The following CHCHD6 variants were observed in gnomAD, a reference collection of about 807,000 sequenced individuals.
The protein encoded by CHCHD6 is MICOS complex subunit MIC25.
A neutral mutation model predicts 32.3 loss-of-function variants in CHCHD6; 28 were observed. The observed-to-expected ratio is 0.87, with a 90% CI of 0.64 to 1.19. The LOEUF (loss-of-function observed/expected upper bound fraction) is 1.19. Ranked by LOEUF, CHCHD6 falls within the 50% of genes most tolerant of loss-of-function variation. The probability of loss-of-function intolerance (pLI) is 0.00; values close to 1 mark genes in which losing one functional copy is unlikely to be tolerated. For missense variants in CHCHD6, 333 were observed against 307.0 expected, an observed-to-expected ratio of 1.08 and a Z score of -0.63; for synonymous variants, 122 against 117.5, an observed-to-expected ratio of 1.04 and a Z score of -0.25.
At chr3:126,755,229 G>A (rs1052932347) in intron 4 of CHCHD6, among the ~76,000 whole-genome samples, 1 of 152,172 alleles carries the variant, frequency 6.6e-6, no homozygotes, top group African/African-American at 2.4e-5. Context: ...GTCTTCAGTC[G>A]GGAGGAGAGG....
At chr3:126,706,959 TC>T (rs1376270442) in intron 1 of CHCHD6, among the ~76,000 whole-genome samples, 2 of 152,178 alleles carry the variant, frequency 1.3e-5, no homozygotes, top group African/African-American at 4.8e-5. Flanking sequence ...GAAAGTGTTC[TC>T]GTCCCTGTAA....
chr3:126,722,868 C>T (rs769583584), intron 1 of CHCHD6, among the ~76,000 whole-genome samples: 7 of 152,126 alleles, frequency 4.6e-5, no homozygotes, highest in Non-Finnish European at 8.8e-5. Flanking sequence ...TCTCTAAGAA[C>T]GTATTGCCAA....
intron 4 of CHCHD6, among the ~76,000 whole-genome samples, chr3:126,839,781 A>G (rs879402914): frequency 2.0e-5 from 3 of 151,978 alleles, no homozygotes; most frequent in Admixed American, 6.6e-5. Flanking sequence ...TGGTAATCTT[A>G]TGTATTTTTA....
At chr3:126,865,823 T>C (rs1275822706) in intron 5 of CHCHD6, 5 of 857,578 alleles carry the variant, frequency 5.8e-6, no homozygotes, top group Middle Eastern at 5.9e-4. Context: ...CACTAATCTC[T>C]GAGGTAAGGG....
At chr3:126,840,186 A>G (rs1941015346) in intron 4 of CHCHD6, among the ~76,000 whole-genome samples, 1 of 152,150 alleles carries the variant, frequency 6.6e-6, no homozygotes. Flanking sequence ...TAGATATACC[A>G]CGTTTTAAAA....
intron 6 of CHCHD6, among the ~76,000 whole-genome samples, chr3:126,935,883 T>A (rs2078472919): frequency 1.3e-5 from 2 of 152,206 alleles, no homozygotes; most frequent in African/African-American, 4.8e-5. Flanking sequence ...TGAACATGCA[T>A]TTTGAAAGAG....
intron 4 of CHCHD6, among the ~76,000 whole-genome samples, chr3:126,776,778 A>G (rs567664264): frequency 6.6e-6 from 1 of 152,182 alleles, no homozygotes; most frequent in South Asian, 2.1e-4. Context: ...TGACATAACC[A>G]ACATCATTTT....
intron 4 of CHCHD6, among the ~76,000 whole-genome samples, chr3:126,765,877 G>A (rs955421398): frequency 4.6e-5 from 7 of 152,238 alleles, no homozygotes; most frequent in African/African-American, 1.7e-4. Flanking sequence ...GCCAAGGGGA[G>A]AAACAGAACC....
intron 5 of CHCHD6, among the ~76,000 whole-genome samples, chr3:126,884,824 A>T (rs2077657672): frequency 6.6e-6 from 1 of 152,198 alleles, no homozygotes; most frequent in African/African-American, 2.4e-5. Context: ...GTCATCCCAC[A>T]TTTTGACATA....
intron 1 of CHCHD6, among the ~76,000 whole-genome samples, chr3:126,716,568 G>C (rs1398012835): frequency 6.6e-6 from 1 of 151,964 alleles, no homozygotes; most frequent in Non-Finnish European, 1.5e-5. Flanking sequence ...CATCATGCTA[G>C]TACCATGTTA....
Position 126,792,859 on chromosome 3 carries a change from G to A in CHCHD6, c.411+59637G>A, listed in dbSNP as rs542535879. ...TGTGTTGAAGTCCTCAACTATTTTT[G>A]TAGATTTGCCTACTTCTCCCTGCAG... On this transcript the variant is annotated intron_variant, in intron 4 of 7. Coordinates refer to ENST00000290913, the MANE Select transcript of CHCHD6 (RefSeq NM_032343.3). Among the ~76,000 whole-genome samples, 5 of 152,182 alleles carry A rather than the reference G, an allele frequency of 3.3e-5. No homozygotes were observed. In the South Asian group the frequency reaches 1.0e-3, roughly 32 times the overall value.
chr3:126,957,876 T>A, intron 7 of CHCHD6: 1 of 435,612 alleles, frequency 2.3e-6, no homozygotes, highest in Non-Finnish European at 4.3e-6. Context: ...CGGGGACTTC[T>A]TAGCCCTCGG....
chr3:126,789,438 CATT>C (rs1938407391), intron 4 of CHCHD6, among the ~76,000 whole-genome samples: 2 of 152,136 alleles, frequency 1.3e-5, no homozygotes, highest in South Asian at 2.1e-4. Context: ...AGTCTCCCAT[CATT>C]GTTGTGTGGG....
intron 4 of CHCHD6, among the ~76,000 whole-genome samples, chr3:126,768,933 A>G (rs964541024): frequency 6.6e-6 from 1 of 152,198 alleles, no homozygotes; most frequent in South Asian, 2.1e-4. Context: ...GATTCTAGGT[A>G]TTAGACCTCT....
chr3:126,865,561 G>T lies in CHCHD6; in HGVS notation c.495+12831G>T, dbSNP rs561474857. ...CTCCTCCACGTCCACTTGCACTTCT[G>T]CAACCTCTGCTTCTCCCTCTTCCTC... On this transcript the variant is annotated intron_variant, in intron 5 of 7. Transcript: ENST00000290913. The T allele has an allele frequency of 4.1e-6, 4 of 984,984 alleles. No homozygotes were observed. The South Asian group carries it at 1.4e-4, about 35-fold the overall frequency. The allele number at this position is 984,984 out of a possible 1,614,324, so 61.0% of individuals were successfully genotyped here. A position where few individuals can be genotyped will look rare whatever the true frequency, so the allele number is the denominator to read the frequency against.
intron 1 of CHCHD6, among the ~76,000 whole-genome samples, chr3:126,706,249 A>G (rs1212706667): frequency 6.6e-6 from 1 of 152,218 alleles, no homozygotes; most frequent in Non-Finnish European, 1.5e-5. Flanking sequence ...TATATAAGAC[A>G]GGTACATTTC....
At chr3:126,757,829 GAATTTTTGGGTGTCAGCAACT>G (rs1444781056) in intron 4 of CHCHD6, among the ~76,000 whole-genome samples, 1 of 152,134 alleles carries the variant, frequency 6.6e-6, no homozygotes, top group Non-Finnish European at 1.5e-5. Context: ...GTATCTTTGT[GAATTTTTGGGTGTCAGCAACT>G]AATTCAGACT....
At chr3:126,732,683 T>C (rs896280963) in intron 3 of CHCHD6, among the ~76,000 whole-genome samples, 2 of 152,232 alleles carry the variant, frequency 1.3e-5, no homozygotes, top group African/African-American at 4.8e-5. Flanking sequence ...TAGGAAGATA[T>C]TCAGAATGAA....
Position 126,813,495 on chromosome 3 carries a change from A to G in CHCHD6, c.412-39152A>G, listed in dbSNP as rs2107532588. Reference sequence around the variant, plus strand: ...TGAGAGGAAGGACAGAAAGAAATGTATAATTCTGAGCATCTGCTAGGTACT... The same window carrying G: ...TGAGAGGAAGGACAGAAAGAAATGTGTAATTCTGAGCATCTGCTAGGTACT... On this transcript the variant is annotated intron_variant, in intron 4 of 7. Coordinates refer to ENST00000290913, the MANE Select transcript of CHCHD6 (RefSeq NM_032343.3). Among the ~76,000 whole-genome samples the G allele has an allele frequency of 1.3e-5, 2 of 152,384 alleles. 1 individual carries two copies. Among genetic ancestry groups the G allele is most frequent in the South Asian group, 4.1e-4 (2 of 4,834 alleles).
Sources: gnomAD v4.1 joint callset for allele counts (sites outside exome capture counted in the v4.1 genomes callset) on GRCh38, gnomAD v4.1.1 for gene constraint, MANE v1.5 for transcripts, NCBI Gene and HGNC (gene_info 2026-07-23, HGNC 2026-07-21) for gene names.